Variants in CXADR observed in about 807,000 individuals in gnomAD.
The protein encoded by CXADR is coxsackievirus and adenovirus receptor.
Under a neutral mutation model 40.3 loss-of-function variants are expected in CXADR, and 20 were observed. The ratio of observed to expected loss-of-function variants is 0.50; its 90% CI spans 0.35 to 0.72. The LOEUF is 0.72. Ranked by LOEUF, CXADR falls within the 30% of genes least tolerant of loss-of-function variation. The pLI, the probability that CXADR is intolerant of heterozygous loss-of-function variation, is 0.01. For missense variants in CXADR, 332 were observed against 449.1 expected (o/e 0.74, Z 2.36); for synonymous variants, 150 against 161.3 (o/e 0.93, Z 0.53).
At position 17,568,074 on chromosome 21, in the gene CXADR, C is replaced by CA; in HGVS notation, c.*2388dup. On this transcript the variant is annotated 3_prime_UTR_variant, in exon 7 of 7. Transcript: ENST00000284878. ...TACTACTGGTAATCAAGTAGTTGAA[C>CA]AAAAAATTACTAAAGCATTTCCGTT... 1.0e-6 allele frequency: 1 copy of CA among 970,390 alleles called. No individual in the cohort carries two copies. Among genetic ancestry groups the CA allele is most frequent in the Non-Finnish European group, 1.2e-6 (1 of 823,836 alleles). The allele number at this position is 970,390 out of a possible 1,614,324, so 60.1% of individuals were successfully genotyped here.
At chr21:17,525,043 T>C (rs1375792840) in intron 1 of CXADR, among the ~76,000 whole-genome samples, 1 of 152,104 alleles carries the variant, frequency 6.6e-6, no homozygotes, top group African/African-American at 2.4e-5. Context: ...AAAAGGAAGA[T>C]AGGAAAAGGG....
chr21:17,626,349 G>C, the CXADR span, among the ~76,000 whole-genome samples: 1 of 152,258 alleles, frequency 6.6e-6, no homozygotes, highest in African/African-American at 2.4e-5. Context: ...TCTCAAAATT[G>C]GTTCCTGGAC....
At chr21:17,560,888 C>A in intron 5 of CXADR, 64 bp downstream of exon 5, 1 of 1,594,104 alleles carries the variant, frequency 6.3e-7, no homozygotes, top group Non-Finnish European at 8.6e-7. Flanking sequence ...TCCTTTAGTT[C>A]AGTCAGCAAG....
chr21:17,548,588 C>T (rs1420177758), intron 2 of CXADR, among the ~76,000 whole-genome samples: 3 of 152,216 alleles, frequency 2.0e-5, no homozygotes, highest in Non-Finnish European at 2.9e-5. Flanking sequence ...GCCTGTCCCG[C>T]TTTAGAGCCC....
chr21:17,561,663 G>A (rs573934328), intron 6 of CXADR, among the ~76,000 whole-genome samples, 187 bp downstream of exon 6: 28 of 152,222 alleles, frequency 1.8e-4, no homozygotes, highest in Middle Eastern at 3.4e-3. Flanking sequence ...ACCACCATTC[G>A]TTGTGCCCCG....
chr21:17,519,694 G>A (rs2060504916), intron 1 of CXADR, among the ~76,000 whole-genome samples: 1 of 152,092 alleles, frequency 6.6e-6, no homozygotes, highest in Non-Finnish European at 1.5e-5. Context: ...TTAAACCTGG[G>A]TGACCTCTTG....
At chr21:17,591,401 G>A (rs2061433749) in intron 7 of CXADR, among the ~76,000 whole-genome samples, 1 of 151,982 alleles carries the variant, frequency 6.6e-6, no homozygotes, top group East Asian at 1.9e-4. Flanking sequence ...CATGGTAGGT[G>A]TTTGTATTTT....
the CXADR span, among the ~76,000 whole-genome samples, chr21:17,600,478 A>AATAATT: frequency 6.6e-6 from 1 of 152,182 alleles, no homozygotes; most frequent in Non-Finnish European, 1.5e-5. Context: ...CTGAATCAGA[A>AATAATT]TGGTTATCTA....
intron 6 of CXADR, among the ~76,000 whole-genome samples, chr21:17,563,664 G>A (rs56058586): frequency 0.2 from 31,068 of 151,828 alleles, 3,194 homozygotes; most frequent in East Asian, 0.23. Context: ...ACTGGTGGCC[G>A]GGCACGGTGG....
chr21:17,585,056 T>C (rs1024564507), intron 7 of CXADR, among the ~76,000 whole-genome samples: 2 of 152,208 alleles, frequency 1.3e-5, no homozygotes, highest in Non-Finnish European at 1.5e-5. Flanking sequence ...TTCCATTGAA[T>C]TTTGTGGCTT....
At chr21:17,538,469 G>A (rs956816355) in intron 1 of CXADR, among the ~76,000 whole-genome samples, 5 of 152,122 alleles carry the variant, frequency 3.3e-5, no homozygotes, top group African/African-American at 1.2e-4. Flanking sequence ...TCAATGAGGA[G>A]CGACCAGAGA....
intron 1 of CXADR, among the ~76,000 whole-genome samples, chr21:17,513,691 G>A (rs979891456): frequency 6.6e-6 from 1 of 152,200 alleles, no homozygotes; most frequent in Admixed American, 6.5e-5. Flanking sequence ...CTACCTCTAG[G>A]AAAGAGGCGC....
chr21:17,598,656 T>A, the CXADR span: 3 of 1,614,002 alleles, frequency 1.9e-6, no homozygotes. Context: ...CCGAACTGGG[T>A]TTCACTTCCA....
rs1324617030 is a variant in CXADR, at chr21:17,568,438, T to A, written c.*2746T>A. 1 of 985,202 alleles carries A rather than the reference T, an allele frequency of 1.0e-6. No homozygotes were observed. The highest frequency in any genetic ancestry group is 1.2e-6 in the Non-Finnish European group (1 of 829,952). The allele number at this position is 985,202 out of a possible 1,614,324, so 61.0% of individuals were successfully genotyped here. On this transcript the variant is annotated 3_prime_UTR_variant, in exon 7 of 7. Transcript: ENST00000284878. ...CCACTGCACCCGGCCCAGTACTGCATCTTAACAGCAAAGCCATTTTATTCT... is the reference window on the plus strand; with the variant it reads ...CCACTGCACCCGGCCCAGTACTGCAACTTAACAGCAAAGCCATTTTATTCT...
the CXADR span, among the ~76,000 whole-genome samples, chr21:17,625,101 G>C: frequency 3.9e-5 from 6 of 152,036 alleles, no homozygotes; most frequent in African/African-American, 1.4e-4. Context: ...CCTGTTTCTT[G>C]TACTTGGTAA....
the CXADR span, among the ~76,000 whole-genome samples, chr21:17,634,941 C>T: frequency 2.6e-5 from 4 of 152,252 alleles, no homozygotes; most frequent in East Asian, 7.7e-4. Context: ...TTTACTGATC[C>T]TTGATGGTAA....
chr21:17,558,005 G>A (rs577161212), intron 3 of CXADR, among the ~76,000 whole-genome samples: 7 of 152,308 alleles, frequency 4.6e-5, no homozygotes, highest in South Asian at 2.1e-4. Flanking sequence ...CAGGATTGGG[G>A]TGAGTTGCAG....
chr21:17,535,506 A>G lies in CXADR; in HGVS notation c.44-11521A>G, dbSNP rs147936011. ...GGGTGAGCCATATTATTGTGTTTTTATAGTAAGTCTTCTGATTTCTATGAT... is the reference window on the plus strand; with the variant it reads ...GGGTGAGCCATATTATTGTGTTTTTGTAGTAAGTCTTCTGATTTCTATGAT... On this transcript the variant is annotated intron_variant, in intron 1 of 6. Coordinates refer to ENST00000284878, the MANE Select transcript of CXADR (RefSeq NM_001338.5). Among the ~76,000 whole-genome samples the G allele has an allele frequency of 1.2e-3, 185 of 152,172 alleles. 1 individual carries two copies. In the East Asian group the frequency reaches 0.033, roughly 27 times the overall value.
intron 1 of CXADR, chr21:17,519,032 C>A: frequency 6.9e-7 from 1 of 1,456,344 alleles, no homozygotes; most frequent in Non-Finnish European, 9.6e-7. Flanking sequence ...TCCTCCAGCA[C>A]CAGCACGCGG....
Sources: allele counts gnomAD v4.1 joint callset (sites outside exome capture counted in the v4.1 genomes callset), GRCh38; gene constraint gnomAD v4.1.1; transcripts MANE v1.5; gene names NCBI Gene and HGNC (gene_info 2026-07-23, HGNC 2026-07-21).